GNAL: variants seen among roughly 807,000 people sequenced by gnomAD.
GNAL encodes the protein G protein subunit alpha L, also known as guanine nucleotide-binding protein G(olf) subunit alpha.
In GNAL, 18 loss-of-function variants were observed where a neutral mutation model predicts 55.1. That is an observed-to-expected ratio of 0.33 (90% CI 0.23 to 0.48). The LOEUF (loss-of-function observed/expected upper bound fraction) is 0.48. GNAL is among the 20% of genes least tolerant of loss of function. The pLI is 0.99. For synonymous variants in GNAL, 253 were observed against 237.0 expected (o/e 1.07, Z -0.62); for missense variants, 412 against 614.1 (o/e 0.67, Z 3.48).
At chr18:11,851,566 A>G in intron 5 of GNAL, 1 of 1,612,208 alleles carries the variant, frequency 6.2e-7, no homozygotes, top group Non-Finnish European at 8.5e-7. Flanking sequence ...CAAAGAACTG[A>G]GTAGGAGTGC....
At chr18:11,731,997 T>C (rs1417184656) in intron 1 of GNAL, among the ~76,000 whole-genome samples, 5 of 152,172 alleles carry the variant, frequency 3.3e-5, no homozygotes, top group Non-Finnish European at 7.4e-5. Flanking sequence ...TTTATCTATG[T>C]GTAACATACA....
chr18:11,694,357 G>A (rs2031345577), intron 1 of GNAL, among the ~76,000 whole-genome samples: 1 of 152,186 alleles, frequency 6.6e-6, no homozygotes, highest in African/African-American at 2.4e-5. Context: ...CCATGGGGTC[G>A]ATCCTGATGA....
chr18:11,741,489 G>A (rs1025214973), intron 1 of GNAL, among the ~76,000 whole-genome samples: 1 of 152,178 alleles, frequency 6.6e-6, no homozygotes, highest in Non-Finnish European at 1.5e-5. Flanking sequence ...CGCTGTAATC[G>A]TTACAGAATT....
chr18:11,808,325 C>T (rs1598478082), intron 4 of GNAL, among the ~76,000 whole-genome samples: 1 of 152,150 alleles, frequency 6.6e-6, no homozygotes, highest in Admixed American at 6.5e-5. Context: ...GTGGCTGGAG[C>T]AGAAGGCCAG....
rs2031586956 is a variant in GNAL at position 11,702,108 on chromosome 18, T to C, written c.376+12169T>C. ...CATCTAGAGGGCGTGATTTGGAGTC[T>C]GCTAGCCAGGAGGCCACAGGAGAAA... On this transcript the variant is annotated intron_variant, in intron 1 of 11. Coordinates refer to ENST00000334049, the MANE Select transcript of GNAL (RefSeq NM_182978.4). The C allele has an allele frequency of 2.0e-5, 3 of 152,298 alleles. No homozygotes were observed. The South Asian group carries it at 6.2e-4, about 32-fold the overall frequency. 9.4% of individuals were successfully genotyped at this position (152,298 alleles called of 1,614,324 possible). A position where few individuals can be genotyped will look rare whatever the true frequency, so the allele number is the denominator to read the frequency against.
At chr18:11,736,760 G>A (rs2032471615) in intron 1 of GNAL, among the ~76,000 whole-genome samples, 1 of 152,202 alleles carries the variant, frequency 6.6e-6, no homozygotes, top group African/African-American at 2.4e-5. Flanking sequence ...GAAGAAGGAT[G>A]GGGAGATTGC....
chr18:11,738,340 G>A (rs2032501310), intron 1 of GNAL, among the ~76,000 whole-genome samples: 2 of 151,998 alleles, frequency 1.3e-5, no homozygotes. Flanking sequence ...ACTTCTTGTA[G>A]CATGCATTGG....
intron 10 of GNAL, chr18:11,874,034 C>T (rs1166560544): frequency 6.6e-6 from 1 of 152,434 alleles, no homozygotes; most frequent in African/African-American, 2.4e-5. Context: ...TTCTGAGACA[C>T]AACCTTACCT....
chr18:11,767,231 A>G (rs1323857324), intron 4 of GNAL, among the ~76,000 whole-genome samples: 6 of 148,582 alleles, frequency 4.0e-5, no homozygotes. Context: ...TTATGCTTAC[A>G]CACCTGTTCT....
intron 4 of GNAL, among the ~76,000 whole-genome samples, chr18:11,754,818 A>G (rs1293388591): frequency 6.6e-6 from 1 of 150,710 alleles, no homozygotes; most frequent in South Asian, 2.1e-4. Context: ...AATCACTTGG[A>G]TGGCAGTATT....
At chr18:11,843,441 C>G (rs370255999) in intron 5 of GNAL, among the ~76,000 whole-genome samples, 11 of 152,174 alleles carry the variant, frequency 7.2e-5, no homozygotes, top group African/African-American at 2.2e-4. Context: ...AGGATAATCA[C>G]TTGAAGCAGG....
intron 1 of GNAL, among the ~76,000 whole-genome samples, chr18:11,727,847 T>C (rs1181075223): frequency 1.3e-5 from 2 of 152,216 alleles, no homozygotes; most frequent in Non-Finnish European, 2.9e-5. Flanking sequence ...GCTATACATT[T>C]TAACCTATGG....
chr18:11,851,431 G>C, intron 5 of GNAL: 16 of 1,432,072 alleles, frequency 1.1e-5, no homozygotes, highest in Non-Finnish European at 1.5e-5. Flanking sequence ...AGGAGCGGCG[G>C]CCGGGAGCGG....
chr18:11,827,043 C>A (rs539861757), intron 5 of GNAL, among the ~76,000 whole-genome samples: 1 of 152,242 alleles, frequency 6.6e-6, no homozygotes, highest in Admixed American at 6.5e-5. Flanking sequence ...GTCGTCCGGG[C>A]CAGATGCTGG....
intron 4 of GNAL, among the ~76,000 whole-genome samples, chr18:11,819,080 TTTGA>T (rs1379031376): frequency 1.3e-5 from 2 of 152,244 alleles, no homozygotes; most frequent in Non-Finnish European, 2.9e-5. Flanking sequence ...GAAATAGCTC[TTTGA>T]TTTTTATTTC....
At chr18:11,813,270 A>G (rs1037887049) in intron 4 of GNAL, among the ~76,000 whole-genome samples, 1 of 151,820 alleles carries the variant, frequency 6.6e-6, no homozygotes, top group Non-Finnish European at 1.5e-5. Context: ...AAAGAAAAAA[A>G]GACATAAGTA....
At chr18:11,784,803 T>C (rs567701023) in intron 4 of GNAL, among the ~76,000 whole-genome samples, 1 of 152,274 alleles carries the variant, frequency 6.6e-6, no homozygotes, top group Non-Finnish European at 1.5e-5. Flanking sequence ...TGGAAGAAAC[T>C]GACTGTGCGT....
At chr18:11,853,300 T>C (rs2035925390) in intron 5 of GNAL, 1 of 167,120 alleles carries the variant, frequency 6.0e-6, no homozygotes, top group Non-Finnish European at 1.5e-5. Context: ...GCTTGAGTCT[T>C]TAAGGCTAGA....
intron 4 of GNAL, among the ~76,000 whole-genome samples, chr18:11,800,283 T>C (rs1391758230): frequency 6.6e-6 from 1 of 152,080 alleles, no homozygotes; most frequent in African/African-American, 2.4e-5. Flanking sequence ...TTAAATAAGA[T>C]AAGATGACGA....
Sources: gnomAD v4.1 joint callset for allele counts (sites outside exome capture counted in the v4.1 genomes callset) on GRCh38, gnomAD v4.1.1 for gene constraint, MANE v1.5 for transcripts, NCBI Gene and HGNC (gene_info 2026-07-23, HGNC 2026-07-21) for gene names.